SYNDIG1L: variants seen among roughly 807,000 people sequenced by gnomAD.
SYNDIG1L encodes the protein synapse differentiation-inducing gene protein 1-like.
SYNDIG1L carries 13 observed loss-of-function variants against 20.1 expected under a neutral mutation model. The ratio of observed to expected loss-of-function variants is 0.65; its 90% CI spans 0.42 to 1.03. The LOEUF is 1.03. Ranked by LOEUF, SYNDIG1L falls within the 50% of genes least tolerant of loss-of-function variation. The pLI is 0.00. For synonymous variants in SYNDIG1L, 128 were observed against 129.3 expected, an observed-to-expected ratio of 0.99 and a Z score of 0.07; for missense variants, 294 against 305.1, an observed-to-expected ratio of 0.96 and a Z score of 0.27.
chr14:74,439,114 C>CA, the SYNDIG1L span, among the ~76,000 whole-genome samples: 9,751 of 64,656 alleles, frequency 0.15, 575 homozygotes, highest in Admixed American at 0.23. Flanking sequence ...AACTCTGTCT[C>CA]AAAAAAAAAA....
chr14:74,409,340 C>T lies in SYNDIG1L; in HGVS notation c.405G>A (p.Gln135=). 1.3e-6 allele frequency: 2 copies of T among 1,557,528 alleles called. No homozygotes were observed. Among genetic ancestry groups the T allele is most frequent in the Non-Finnish European group, 8.7e-7 (1 of 1,150,574 alleles). The change falls in exon 2 of 4, where the codon CAG becomes CAA. Residue 135 remains glutamine (Q), a synonymous_variant. Transcript: ENST00000331628. ...QEELRDQEDD[Q]EEEESDATST... ...CTCATGCACTCACCTCCTCTTCCTC[C>T]TGGTCATCCTCCTGGTCCCGCAGCT...
At chr14:74,415,120 C>T (rs1023437412) in intron 1 of SYNDIG1L, among the ~76,000 whole-genome samples, 3 of 152,160 alleles carry the variant, frequency 2.0e-5, no homozygotes, top group Admixed American at 6.6e-5. Context: ...AATAAATACC[C>T]TGGTTTTCAG....
At position 74,407,594 on chromosome 14, in the gene SYNDIG1L, G is replaced by T; in HGVS notation, c.658C>A (p.Leu220Ile). The T allele has an allele frequency of 6.2e-7, 1 of 1,614,164 alleles. No homozygotes were observed. Among genetic ancestry groups the T allele is most frequent in the Non-Finnish European group, 8.5e-7 (1 of 1,180,000 alleles). ...ATLAIAVGAG[L>I]YVAVVVALAA... ...AGAGCCACCACCACAGCCACGTAGA[G>T]ACCGGCCCCCACGGCGATGGCGAGT... Residue 220 changes from leucine (L) to isoleucine (I), a missense_variant, in exon 4 of 4, where the codon CTC becomes ATC. Physicochemically the swap from Leu to Ile is conservative, Grantham distance 5. Transcript: ENST00000331628.
chr14:74,428,741 C>T (rs774001488), upstream of SYNDIG1L, among the ~76,000 whole-genome samples: 2 of 152,116 alleles, frequency 1.3e-5, no homozygotes, highest in African/African-American at 2.4e-5. Flanking sequence ...ACAGATGAGC[C>T]TGGAGGACTG....
chr14:74,433,459 C>T, the SYNDIG1L span, among the ~76,000 whole-genome samples: 1 of 152,058 alleles, frequency 6.6e-6, no homozygotes. Context: ...TCTTGGCCCG[C>T]TGCAACCTCC....
intron 1 of SYNDIG1L, among the ~76,000 whole-genome samples, chr14:74,422,680 C>CACACACACACACACAA (rs1595199308): frequency 1.3e-5 from 2 of 149,850 alleles, no homozygotes; most frequent in Non-Finnish European, 3.0e-5. Context: ...CACACACACA[C>CACACACACACACACAA]AATTTCTCTT....
intron 1 of SYNDIG1L, among the ~76,000 whole-genome samples, chr14:74,416,450 A>G (rs2086175447): frequency 6.6e-6 from 1 of 152,170 alleles, no homozygotes; most frequent in Non-Finnish European, 1.5e-5. Context: ...CCTGGGCGAT[A>G]TAATGAAACC....
upstream of SYNDIG1L, among the ~76,000 whole-genome samples, chr14:74,431,007 A>C (rs937353037): frequency 3.9e-5 from 6 of 152,218 alleles, no homozygotes; most frequent in Non-Finnish European, 8.8e-5. Flanking sequence ...CAAAAGAAAA[A>C]AAATGAAACT....
chr14:74,428,233 G>A (rs1049116317), upstream of SYNDIG1L, among the ~76,000 whole-genome samples: 9 of 152,240 alleles, frequency 5.9e-5, no homozygotes, highest in African/African-American at 2.2e-4. Flanking sequence ...AGTGCAATCA[G>A]CAATGTATGA....
upstream of SYNDIG1L, among the ~76,000 whole-genome samples, chr14:74,427,031 A>G (rs539534853): frequency 2.0e-5 from 3 of 151,750 alleles, no homozygotes; most frequent in Non-Finnish European, 2.9e-5. Context: ...GAGTTTTCCC[A>G]GCAAGAGCCC....
At chr14:74,475,266 G>A in the SYNDIG1L span, among the ~76,000 whole-genome samples, 3 of 151,210 alleles carry the variant, frequency 2.0e-5, no homozygotes, top group Non-Finnish European at 4.4e-5. Flanking sequence ...TATGCGTCAG[G>A]TACTGCACTG....
the SYNDIG1L span, among the ~76,000 whole-genome samples, chr14:74,456,508 A>G: frequency 6.6e-6 from 1 of 152,202 alleles, no homozygotes; most frequent in South Asian, 2.1e-4. Flanking sequence ...CAGCCTGGGC[A>G]ACAAGAGCAA....
chr14:74,419,213 C>T lies in SYNDIG1L; in HGVS notation c.-58+6699G>A, dbSNP rs554291402. Reference sequence around the variant, plus strand: ...TTCGCCTCCCTGGTTATCTGCTCTTCACAGCTCCATGCTCCTTGCCTCAAA... The same window carrying T: ...TTCGCCTCCCTGGTTATCTGCTCTTTACAGCTCCATGCTCCTTGCCTCAAA... On this transcript the variant is annotated intron_variant, in intron 1 of 3. Coordinates refer to ENST00000331628, the MANE Select transcript of SYNDIG1L (RefSeq NM_001105579.2). Among the ~76,000 whole-genome samples, 5 of 152,344 alleles carry T rather than the reference C, an allele frequency of 3.3e-5. 1 individual carries two copies. The South Asian group carries it at 1.0e-3, about 32-fold the overall frequency.
Position 74,407,658 on chromosome 14 carries a change from C to T in SYNDIG1L, c.594G>A (p.Leu198=), listed in dbSNP as rs1239601184. The T allele has an allele frequency of 1.2e-6, 2 of 1,612,450 alleles. No individual in the cohort carries two copies. The highest frequency in any genetic ancestry group is 1.3e-5 in the African/African-American group (1 of 75,042). The change falls in exon 4 of 4, where the codon CTG becomes CTA. Residue 198 remains leucine (L), a synonymous_variant. Coordinates refer to ENST00000331628, the MANE Select transcript of SYNDIG1L (RefSeq NM_001105579.2). The part of the protein sequence containing the change: ...SKAISKGDFR[L]ASTTSRRALF... ...GGGCCCGGCGGGAGGTGGTGCTGGC[C>T]AGGCGGAAGTCCCCTTTGGAGATGG...
the SYNDIG1L span, among the ~76,000 whole-genome samples, chr14:74,470,959 T>C: frequency 1.3e-5 from 2 of 152,192 alleles, no homozygotes; most frequent in African/African-American, 4.8e-5. Flanking sequence ...GTATTTGTTG[T>C]GCATGGTTTC....
intron 1 of SYNDIG1L, among the ~76,000 whole-genome samples, chr14:74,415,618 G>A (rs2086167826): frequency 6.6e-6 from 1 of 152,024 alleles, no homozygotes; most frequent in Non-Finnish European, 1.5e-5. Flanking sequence ...CCAGCTCACT[G>A]CGCCTCGACT....
In SYNDIG1L at chr14:74,409,741, C is replaced by G. The variant is rs771706554; in HGVS notation, c.4G>C (p.Glu2Gln). 1 of 1,446,726 alleles carries G rather than the reference C, an allele frequency of 6.9e-7. No homozygotes were observed. Among genetic ancestry groups the G allele is most frequent in the Non-Finnish European group, 9.1e-7 (1 of 1,097,926 alleles). 89.6% of individuals were successfully genotyped at this position (1,446,726 alleles called of 1,614,324 possible). A position where few individuals can be genotyped will look rare whatever the true frequency, so the allele number is the denominator to read the frequency against. ...GGGTTCTGTAGTTCACTCAGACTCT[C>G]CATGGTTCTGGGGCAGCTGCTGGGG... is the stretch of plus-strand genomic sequence containing the variant. M[E>Q]SLSELQNPLL... Residue 2 changes from glutamate to glutamine, a missense_variant, in exon 2 of 4, where the codon GAG becomes CAG. Coordinates refer to ENST00000331628, the MANE Select transcript of SYNDIG1L (RefSeq NM_001105579.2).
the SYNDIG1L span, among the ~76,000 whole-genome samples, chr14:74,444,474 G>A: frequency 6.6e-6 from 1 of 151,846 alleles, no homozygotes; most frequent in Admixed American, 6.6e-5. Flanking sequence ...AATAAGGCTG[G>A]GCATGGTGGC....
the SYNDIG1L span, among the ~76,000 whole-genome samples, chr14:74,454,336 A>G: frequency 1.3e-5 from 2 of 152,240 alleles, no homozygotes; most frequent in Non-Finnish European, 2.9e-5. Flanking sequence ...AGGTTTTGAT[A>G]AGCAGTTAGA....
Sources: allele counts gnomAD v4.1 joint callset (sites outside exome capture counted in the v4.1 genomes callset), GRCh38; gene constraint gnomAD v4.1.1; transcripts MANE v1.5; gene names NCBI Gene and HGNC (gene_info 2026-07-23, HGNC 2026-07-21).